Variants in DOCK3 observed in about 807,000 individuals in gnomAD.
The protein encoded by DOCK3 is dedicator of cytokinesis protein 3.
DOCK3 carries 60 observed loss-of-function variants against 265.6 expected under a neutral mutation model. The observed-to-expected ratio is 0.23, with a 90% confidence interval of 0.18 to 0.28. The LOEUF (loss-of-function observed/expected upper bound fraction) is 0.28, where lower values mean the gene tolerates loss of function less well. DOCK3 is among the 10% of genes least tolerant of loss of function. The pLI, the probability that DOCK3 is intolerant of heterozygous loss-of-function variation, is 1.00. For missense variants in DOCK3, 1,981 were observed against 2,594.3 expected (o/e 0.76, Z 5.14); for synonymous variants, 881 against 938.0 (o/e 0.94, Z 1.11).
At chr3:50,701,634 G>A (rs1462601646) in intron 1 of DOCK3, among the ~76,000 whole-genome samples, 4 of 152,018 alleles carry the variant, frequency 2.6e-5, no homozygotes, top group African/African-American at 9.7e-5. Flanking sequence ...CTGTGCTTTT[G>A]AGGTCTTAGT....
chr3:51,103,421 G>C (rs552620942), intron 9 of DOCK3, among the ~76,000 whole-genome samples: 2 of 152,242 alleles, frequency 1.3e-5, no homozygotes, highest in South Asian at 2.1e-4. Flanking sequence ...CCTTATTGTC[G>C]TCCTGTTTAT....
At chr3:51,208,211 C>A (rs1443636996) in intron 12 of DOCK3, among the ~76,000 whole-genome samples, 1 of 152,182 alleles carries the variant, frequency 6.6e-6, no homozygotes, top group African/African-American at 2.4e-5. Flanking sequence ...TCCCCCTGAC[C>A]ACAGAAGACT....
At chr3:51,193,307 A>G (rs960408331) in intron 12 of DOCK3, among the ~76,000 whole-genome samples, 5 of 152,028 alleles carry the variant, frequency 3.3e-5, no homozygotes, top group Non-Finnish European at 5.9e-5. Flanking sequence ...TGGCTCTTAG[A>G]TTGTGTTTGC....
rs780783689 is a variant in DOCK3 at position 51,341,201 on chromosome 3, G to A, written c.3767-36G>A. 17 of 1,532,822 alleles carry A rather than the reference G, an allele frequency of 1.1e-5. No homozygotes were observed. In the East Asian group the frequency reaches 3.4e-4, roughly 31 times the overall value. 95.0% of individuals were successfully genotyped at this position (1,532,822 alleles called of 1,614,324 possible). A position where few individuals can be genotyped will look rare whatever the true frequency, so the allele number is the denominator to read the frequency against. On this transcript the variant is annotated intron_variant, in intron 37 of 52. Transcript: ENST00000266037. ...GCTGCTCCTGGGCCTCTGAGCAAGG[G>A]AAGCCCCTGGACCTCCATGCTGTCT... is the stretch of plus-strand genomic sequence containing the variant.
rs2086239052 is a variant in DOCK3 at position 51,163,564 on chromosome 3, G to A, written c.1037+2862G>A. Among the ~76,000 whole-genome samples, 3 of 152,202 alleles carry A rather than the reference G, an allele frequency of 2.0e-5. No homozygotes were observed. The South Asian group carries it at 6.2e-4, about 32-fold the overall frequency. On this transcript the variant is annotated intron_variant, in intron 12 of 52. Transcript: ENST00000266037. ...CCCGAAGGACAAGGGGTCACAAGCA[G>A]GCACAGGGCATGCTGTACTTAGAAC...
intron 1 of DOCK3, among the ~76,000 whole-genome samples, chr3:50,777,093 C>T (rs2041646147): frequency 6.6e-6 from 1 of 152,106 alleles, no homozygotes; most frequent in Admixed American, 6.6e-5. Flanking sequence ...AACACTGCCC[C>T]CATGATTCAG....
chr3:50,973,840 G>A (rs1395804244), intron 5 of DOCK3, among the ~76,000 whole-genome samples: 1 of 137,138 alleles, frequency 7.3e-6, no homozygotes, highest in Non-Finnish European at 1.6e-5. Context: ...TCTAACTGGT[G>A]TGAGATGGTA....
intron 9 of DOCK3, among the ~76,000 whole-genome samples, chr3:51,101,956 T>C (rs1375895435): frequency 6.6e-6 from 1 of 152,258 alleles, no homozygotes; most frequent in Non-Finnish European, 1.5e-5. Flanking sequence ...AAGGAAAATA[T>C]GAAGGAATCA....
chr3:50,906,168 T>C (rs2049484016), intron 4 of DOCK3, among the ~76,000 whole-genome samples: 1 of 152,112 alleles, frequency 6.6e-6, no homozygotes, highest in South Asian at 2.1e-4. Context: ...GGTTTGCCAG[T>C]ATTTTATTGA....
intron 1 of DOCK3, among the ~76,000 whole-genome samples, chr3:50,693,574 C>T (rs1424484346): frequency 6.0e-5 from 8 of 132,512 alleles, no homozygotes; most frequent in African/African-American, 8.6e-5. Flanking sequence ...CTCACTCTGT[C>T]GCCCAGGCTA....
At chr3:50,879,958 G>C (rs1307756684) in intron 3 of DOCK3, among the ~76,000 whole-genome samples, 1 of 152,142 alleles carries the variant, frequency 6.6e-6, no homozygotes, top group Non-Finnish European at 1.5e-5. Flanking sequence ...AATCAAACTA[G>C]AACTCAGGAT....
intron 5 of DOCK3, among the ~76,000 whole-genome samples, chr3:51,030,510 C>G (rs185478954): frequency 9.9e-5 from 15 of 152,172 alleles, no homozygotes; most frequent in African/African-American, 2.9e-4. Flanking sequence ...TTAGGATACA[C>G]CCTCTAGTGG....
At chr3:51,279,125 G>A (rs561170914) in intron 26 of DOCK3, among the ~76,000 whole-genome samples, 15 of 151,978 alleles carry the variant, frequency 9.9e-5, no homozygotes, top group East Asian at 7.7e-4. Context: ...GGTGGTGGGC[G>A]CCTGTAATCC....
intron 5 of DOCK3, among the ~76,000 whole-genome samples, chr3:51,035,665 T>C (rs539637561): frequency 6.6e-6 from 1 of 152,302 alleles, no homozygotes; most frequent in African/African-American, 2.4e-5. Flanking sequence ...TTGTAAATGT[T>C]ATAGAGAATC....
At chr3:51,052,842 C>A (rs1475898368) in intron 5 of DOCK3, among the ~76,000 whole-genome samples, 2 of 151,808 alleles carry the variant, frequency 1.3e-5, no homozygotes, top group Admixed American at 6.6e-5. Flanking sequence ...TGTTTCATTT[C>A]TCATCCACTC....
At chr3:50,879,698 C>T (rs2047925088) in intron 3 of DOCK3, among the ~76,000 whole-genome samples, 1 of 152,158 alleles carries the variant, frequency 6.6e-6, no homozygotes, top group African/African-American at 2.4e-5. Flanking sequence ...TTTAACACCC[C>T]ACTGTCAACA....
chr3:50,874,388 C>T (rs944438902), intron 3 of DOCK3, among the ~76,000 whole-genome samples: 3 of 151,862 alleles, frequency 2.0e-5, no homozygotes, highest in African/African-American at 7.3e-5. Context: ...TATTTGTAGT[C>T]CCAGCTACCT....
At chr3:51,364,523 C>T (rs933629137) in intron 49 of DOCK3, among the ~76,000 whole-genome samples, 3 of 152,088 alleles carry the variant, frequency 2.0e-5, no homozygotes, top group African/African-American at 7.2e-5. Flanking sequence ...CTTTTGTTGC[C>T]ATTGCTTTTG....
At chr3:51,109,512 C>A (rs1232988877) in intron 9 of DOCK3, among the ~76,000 whole-genome samples, 11 of 151,998 alleles carry the variant, frequency 7.2e-5, no homozygotes, top group African/African-American at 2.7e-4. Flanking sequence ...TAACCAATAC[C>A]AAAATCAGAT....
Sources: gnomAD v4.1 joint callset for allele counts (sites outside exome capture counted in the v4.1 genomes callset) on GRCh38, gnomAD v4.1.1 for gene constraint, MANE v1.5 for transcripts, NCBI Gene and HGNC (gene_info 2026-07-23, HGNC 2026-07-21) for gene names.